Variants in SLC44A5 observed in about 807,000 individuals in gnomAD.
SLC44A5 encodes the protein choline transporter-like protein 5.
Under a neutral mutation model 101.8 loss-of-function variants are expected in SLC44A5, and 57 were observed. That is an observed-to-expected ratio of 0.56 (90% CI 0.45 to 0.70). SLC44A5 has a LOEUF of 0.70. Ranked by LOEUF, SLC44A5 falls within the 30% of genes least tolerant of loss-of-function variation. SLC44A5 has a pLI of 0.00. For missense variants in SLC44A5, 737 were observed against 853.1 expected (o/e 0.86, Z 1.70); for synonymous variants, 281 against 290.9 (o/e 0.97, Z 0.35).
chr1:75,428,423 G>A (rs1664431670), intron 2 of SLC44A5, among the ~76,000 whole-genome samples: 1 of 152,186 alleles, frequency 6.6e-6, no homozygotes, highest in Non-Finnish European at 1.5e-5. Flanking sequence ...AGGACAGGGA[G>A]TACGTCCTAT....
intron 1 of SLC44A5, among the ~76,000 whole-genome samples, chr1:75,583,388 G>A (rs1673811766): frequency 6.6e-6 from 1 of 152,112 alleles, no homozygotes; most frequent in South Asian, 2.1e-4. Context: ...TGCCCTACAT[G>A]TTTCCTACAA....
At chr1:75,661,808 C>G in the SLC44A5 span, among the ~76,000 whole-genome samples, 10 of 152,056 alleles carry the variant, frequency 6.6e-5, no homozygotes, top group Non-Finnish European at 1.5e-4. Context: ...ATCACCTCAT[C>G]CCAGTTAAAA....
chr1:75,221,313 G>A (rs1406889567), intron 14 of SLC44A5, among the ~76,000 whole-genome samples: 1 of 152,170 alleles, frequency 6.6e-6, no homozygotes, highest in Non-Finnish European at 1.5e-5. Context: ...AGCATGGGCT[G>A]TTGGCTTTAT....
chr1:75,274,821 T>C, intron 6 of SLC44A5, 137 bp downstream of exon 6: 1 of 665,262 alleles, frequency 1.5e-6, no homozygotes. Context: ...TATAGCTATC[T>C]GTTAGAAAAA....
intron 3 of SLC44A5, among the ~76,000 whole-genome samples, chr1:75,347,308 T>C (rs537662673): frequency 5.3e-5 from 8 of 152,272 alleles, no homozygotes; most frequent in South Asian, 2.1e-4. Flanking sequence ...CTCAAGAAGA[T>C]AGACGTTAAT....
At chr1:75,547,763 C>T (rs1346664377) in intron 1 of SLC44A5, among the ~76,000 whole-genome samples, 1 of 152,226 alleles carries the variant, frequency 6.6e-6, no homozygotes. Flanking sequence ...GCTCATTCCT[C>T]TTAAGAAACA....
At chr1:75,521,576 G>A (rs1476295986) in intron 2 of SLC44A5, 1 of 152,304 alleles carries the variant, frequency 6.6e-6, no homozygotes, top group Non-Finnish European at 1.5e-5. Flanking sequence ...AGATAATGGA[G>A]GCTCCCAGTG....
At chr1:75,581,542 A>T (rs1459388014) in intron 1 of SLC44A5, among the ~76,000 whole-genome samples, 3 of 152,256 alleles carry the variant, frequency 2.0e-5, no homozygotes, top group Non-Finnish European at 4.4e-5. Context: ...AAACTCTTCT[A>T]TGATAATTCA....
the SLC44A5 span, among the ~76,000 whole-genome samples, chr1:75,678,736 C>A: frequency 6.6e-6 from 1 of 151,796 alleles, no homozygotes; most frequent in Non-Finnish European, 1.5e-5. Flanking sequence ...CAGCTCCTCA[C>A]CAGCAATGGA....
intron 1 of SLC44A5, among the ~76,000 whole-genome samples, chr1:75,573,710 A>G (rs1673210369): frequency 6.6e-6 from 1 of 152,186 alleles, no homozygotes; most frequent in South Asian, 2.1e-4. Flanking sequence ...GATTTATTGT[A>G]TGAAACAAGT....
At chr1:75,291,794 G>A (rs1653566931) in intron 5 of SLC44A5, among the ~76,000 whole-genome samples, 1 of 151,950 alleles carries the variant, frequency 6.6e-6, no homozygotes, top group African/African-American at 2.4e-5. Context: ...GGTGGATCAC[G>A]AGTTCAGGAG....
intron 12 of SLC44A5, among the ~76,000 whole-genome samples, chr1:75,229,457 C>A (rs553546778): frequency 6.6e-6 from 1 of 152,288 alleles, no homozygotes; most frequent in African/African-American, 2.4e-5. Context: ...CTCTCAGCCA[C>A]TTCTTCAACA....
At chr1:75,332,119 T>C (rs1415869277) in intron 4 of SLC44A5, among the ~76,000 whole-genome samples, 1 of 152,308 alleles carries the variant, frequency 6.6e-6, no homozygotes, top group East Asian at 1.9e-4. Flanking sequence ...TAGATGCCCA[T>C]GAATGCACAT....
At chr1:75,586,501 A>T (rs1553210761) in intron 1 of SLC44A5, among the ~76,000 whole-genome samples, 1 of 149,382 alleles carries the variant, frequency 6.7e-6, no homozygotes, top group Non-Finnish European at 1.5e-5. Context: ...GGCAGAAAAT[A>T]CAATTTCAAA....
intron 4 of SLC44A5, among the ~76,000 whole-genome samples, chr1:75,318,558 T>G (rs1230720122): frequency 6.6e-6 from 1 of 152,298 alleles, no homozygotes; most frequent in Non-Finnish European, 1.5e-5. Context: ...GTAAGTCAGA[T>G]AAAAATGCAG....
chr1:75,369,513 A>T (rs536775961), intron 3 of SLC44A5, among the ~76,000 whole-genome samples: 4 of 152,174 alleles, frequency 2.6e-5, no homozygotes, highest in Non-Finnish European at 5.9e-5. Context: ...GATAGCCGTG[A>T]TTCATGAGAG....
chr1:75,640,520 C>G, the SLC44A5 span, among the ~76,000 whole-genome samples: 1 of 152,016 alleles, frequency 6.6e-6, no homozygotes, highest in East Asian at 1.9e-4. Context: ...CAGAAGGAAG[C>G]TTGTCTTTAT....
intron 4 of SLC44A5, among the ~76,000 whole-genome samples, chr1:75,310,227 G>A (rs1655195658): frequency 6.6e-6 from 1 of 152,202 alleles, no homozygotes; most frequent in South Asian, 2.1e-4. Context: ...AACAGGAAGT[G>A]CTGCAGTTGG....
intron 2 of SLC44A5, among the ~76,000 whole-genome samples, chr1:75,459,224 A>G (rs1377245714): frequency 6.6e-6 from 1 of 152,244 alleles, no homozygotes; most frequent in African/African-American, 2.4e-5. Flanking sequence ...TAGTCACTAT[A>G]AAGCTATTGC....
Sources: allele counts gnomAD v4.1 joint callset (sites outside exome capture counted in the v4.1 genomes callset), GRCh38; gene constraint gnomAD v4.1.1; transcripts MANE v1.5; gene names NCBI Gene and HGNC (gene_info 2026-07-23, HGNC 2026-07-21).